DKK3: variants seen among roughly 807,000 people sequenced by gnomAD.
DKK3 encodes the protein dickkopf-related protein 3.
A neutral mutation model predicts 33.2 loss-of-function variants in DKK3; 22 were observed. The ratio of observed to expected loss-of-function variants is 0.66; its 90% CI spans 0.47 to 0.95. The LOEUF (loss-of-function observed/expected upper bound fraction) is 0.95, where lower values mean the gene tolerates loss of function less well. Among genes scored for constraint, DKK3 ranks in the 40% least tolerant of loss-of-function variants. The pLI is 0.00. For missense variants in DKK3, 398 were observed against 458.4 expected, an observed-to-expected ratio of 0.87 and a Z score of 1.20; for synonymous variants, 194 against 188.8, an observed-to-expected ratio of 1.03 and a Z score of -0.23.
intron 3 of DKK3, among the ~76,000 whole-genome samples, chr11:11,976,667 G>A (rs1847840284): frequency 6.6e-6 from 1 of 152,220 alleles, no homozygotes; most frequent in African/African-American, 2.4e-5. Flanking sequence ...TCAGGGAGGT[G>A]GAGCACTGCC....
At position 12,002,412 on chromosome 11, in the gene DKK3, T is replaced by C; in HGVS notation, c.239A>G (p.Lys80Arg). ...EEMEAEEAAA[K>R]ASSEVNLANL... ...TGCCAGGTTCACTTCTGATGATGCT[T>C]TAGCAGCAGCTTCTTCTGCCTCCAT... The change falls in exon 2 of 7, where the codon AAA becomes AGA. Residue 80 changes from lysine (K) to arginine (R), a missense_variant. Transcript: ENST00000683431. 1 of 1,613,932 alleles carries C rather than the reference T, an allele frequency of 6.2e-7. No individual in the cohort carries two copies. Among genetic ancestry groups the C allele is most frequent in the Non-Finnish European group, 8.5e-7 (1 of 1,179,910 alleles).
intron 3 of DKK3, among the ~76,000 whole-genome samples, chr11:11,995,350 G>T (rs1352359656): frequency 6.6e-6 from 1 of 152,142 alleles, no homozygotes; most frequent in Admixed American, 6.5e-5. Flanking sequence ...CCTCCAAAGT[G>T]CTGGGACTAC....
intron 3 of DKK3, among the ~76,000 whole-genome samples, chr11:11,987,406 G>A (rs980385540): frequency 3.9e-5 from 6 of 152,346 alleles, no homozygotes; most frequent in African/African-American, 1.2e-4. Context: ...ATGATTTGGA[G>A]AAAACTACAT....
In DKK3 at chr11:11,991,429, T is replaced by C. The variant is rs187968669; in HGVS notation, c.435+7267A>G. 3.3e-5 allele frequency among the ~76,000 whole-genome samples: 5 copies of C among 152,198 alleles called. No homozygotes were observed. In the East Asian group the frequency reaches 9.7e-4, roughly 29 times the overall value. On this transcript the variant is annotated intron_variant, in intron 3 of 6. Coordinates refer to ENST00000683431, the MANE Select transcript of DKK3 (RefSeq NM_001018057.2). ...TATTAGTTCCCATGTGTTCTGATTG[T>C]TAAAAAGAGGCTGGACATAGTGGCT... is the stretch of plus-strand genomic sequence containing the variant.
intron 3 of DKK3, among the ~76,000 whole-genome samples, chr11:11,986,324 T>C (rs1848070404): frequency 6.6e-6 from 1 of 152,132 alleles, no homozygotes; most frequent in African/African-American, 2.4e-5. Flanking sequence ...CACGGGAGCA[T>C]GCCACCCACT....
At position 11,963,126 on chromosome 11, in the gene DKK3, C is replaced by T. The variant is rs1372777017; in HGVS notation, c.*1338G>A. ...AGAAGAGCAGTTGAAGTGATTTATG[C>T]TTGATTTCTAAATGCAACTTATGTT... On this transcript the variant is annotated 3_prime_UTR_variant, in exon 7 of 7. Transcript: ENST00000683431. 1 of 152,604 alleles carries T rather than the reference C, an allele frequency of 6.6e-6. No homozygotes were observed. The highest frequency in any genetic ancestry group is 2.4e-5 in the African/African-American group (1 of 41,436). The allele number at this position is 152,604 out of a possible 1,614,324, so 9.5% of individuals were successfully genotyped here. A position where few individuals can be genotyped will look rare whatever the true frequency, so the allele number is the denominator to read the frequency against.
intron 3 of DKK3, among the ~76,000 whole-genome samples, chr11:11,996,720 G>A (rs756979090): frequency 5.3e-5 from 8 of 152,334 alleles, no homozygotes; most frequent in African/African-American, 7.2e-5. Context: ...CCTCCAGCAC[G>A]TGGGGTACTT....
At chr11:11,972,233 C>T (rs1292927459) in intron 3 of DKK3, among the ~76,000 whole-genome samples, 1 of 152,216 alleles carries the variant, frequency 6.6e-6, no homozygotes, top group Non-Finnish European at 1.5e-5. Flanking sequence ...GCCATAGCAA[C>T]AGATAGCTAT....
At chr11:11,987,115 T>G (rs527576616) in intron 3 of DKK3, among the ~76,000 whole-genome samples, 1 of 152,278 alleles carries the variant, frequency 6.6e-6, no homozygotes, top group South Asian at 2.1e-4. Context: ...GATACGGAGG[T>G]GGCACACAAC....
At chr11:11,976,109 GC>G (rs1263608665) in intron 3 of DKK3, among the ~76,000 whole-genome samples, 1 of 152,216 alleles carries the variant, frequency 6.6e-6, no homozygotes, top group African/African-American at 2.4e-5. Context: ...CCTCTCCTGA[GC>G]TTAAGTGTGG....
Position 11,980,248 on chromosome 11 carries a change from T to C in DKK3, c.436-11761A>G, listed in dbSNP as rs59348016. Among the ~76,000 whole-genome samples, 700 of 152,324 alleles carry C rather than the reference T, an allele frequency of 4.6e-3. 17 individuals are homozygous for C. In the East Asian group the frequency reaches 0.061, roughly 13 times the overall value. On this transcript the variant is annotated intron_variant, in intron 3 of 6. Transcript: ENST00000683431. ...GATGTTCCTCAACCCTGCAAATTAA[T>C]AGCCTGTGCTTTTGGTTTACACATT...
intron 3 of DKK3, 106 bp from the exon 4 acceptor site, chr11:11,968,593 C>A: frequency 8.3e-6 from 9 of 1,083,348 alleles, no homozygotes; most frequent in Non-Finnish European, 1.2e-5. Flanking sequence ...CTTGACCCCA[C>A]AGGCTCAGCA....
At chr11:11,965,239 A>G (rs1847560105) in intron 6 of DKK3, among the ~76,000 whole-genome samples, 1 of 152,252 alleles carries the variant, frequency 6.6e-6, no homozygotes, top group Non-Finnish European at 1.5e-5. Context: ...TACAGGTGTG[A>G]GCCACTGCAC....
chr11:11,997,686 T>A (rs1848328175), intron 3 of DKK3, among the ~76,000 whole-genome samples: 1 of 152,018 alleles, frequency 6.6e-6, no homozygotes, highest in Non-Finnish European at 1.5e-5. Flanking sequence ...CCTTGAATGG[T>A]GGGTCACTAC....
intron 3 of DKK3, among the ~76,000 whole-genome samples, chr11:11,980,638 C>T (rs1052410473): frequency 1.3e-5 from 2 of 152,154 alleles, no homozygotes; most frequent in African/African-American, 4.8e-5. Flanking sequence ...AGGAAGCCTT[C>T]CCAGACTCTC....
At chr11:11,992,892 A>G (rs180852613) in intron 3 of DKK3, among the ~76,000 whole-genome samples, 1 of 152,256 alleles carries the variant, frequency 6.6e-6, no homozygotes, top group East Asian at 1.9e-4. Flanking sequence ...TATTTCTTTG[A>G]TCTAATAATC....
At chr11:11,976,825 G>C (rs1847844149) in intron 3 of DKK3, among the ~76,000 whole-genome samples, 1 of 114,116 alleles carries the variant, frequency 8.8e-6, no homozygotes, top group African/African-American at 2.6e-5. Context: ...CCCCATTCCT[G>C]AGAGTCCTTT....
Position 11,964,356 on chromosome 11 carries a change from T to C in DKK3, c.*108A>G, listed in dbSNP as rs1847527484. 1 of 1,400,708 alleles carries C rather than the reference T, an allele frequency of 7.1e-7. No individual in the cohort carries two copies. Among genetic ancestry groups the C allele is most frequent in the African/African-American group, 1.4e-5 (1 of 69,610 alleles). The allele number at this position is 1,400,708 out of a possible 1,614,324, so 86.8% of individuals were successfully genotyped here. On this transcript the variant is annotated 3_prime_UTR_variant, in exon 7 of 7. Coordinates refer to ENST00000683431, the MANE Select transcript of DKK3 (RefSeq NM_001018057.2). The stretch of plus-strand genomic sequence containing the variant: ...CTGTCAAGCCAGAGGGGAAACTTAC[T>C]GGGAAGAAGATGTAGGAAGAAGCCT...
chr11:11,978,756 T>G (rs1847893698), intron 3 of DKK3: 1 of 152,228 alleles, frequency 6.6e-6, no homozygotes. Flanking sequence ...ATAGCCATAA[T>G]GGCCGATATT....
Sources: allele counts gnomAD v4.1 joint callset (sites outside exome capture counted in the v4.1 genomes callset), GRCh38; gene constraint gnomAD v4.1.1; transcripts MANE v1.5; gene names NCBI Gene and HGNC (gene_info 2026-07-23, HGNC 2026-07-21).